Variants in DPP6 observed in about 807,000 individuals in gnomAD.
DPP6 encodes the protein A-type potassium channel modulatory protein DPP6.
In DPP6, 69 loss-of-function variants were observed where a neutral mutation model predicts 122.6. The ratio of observed to expected loss-of-function variants is 0.56; its 90% CI spans 0.46 to 0.69. The LOEUF is 0.69. Ranked by LOEUF, DPP6 falls within the 30% of genes least tolerant of loss-of-function variation. The pLI, the probability that DPP6 is intolerant of heterozygous loss-of-function variation, is 0.00. For missense variants in DPP6, 928 were observed against 1,116.9 expected (o/e 0.83, Z 2.41); for synonymous variants, 418 against 433.1 (o/e 0.97, Z 0.43).
rs1586945967 is a variant in DPP6 at position 154,716,693 on chromosome 7, A to G, written c.763-11074A>G. On this transcript the variant is annotated intron_variant, in intron 7 of 25. Transcript: ENST00000377770. ...CATAGAATTTACTCAAAAAGAGAGC[A>G]TTTTTTTTTTCTCCTGAATGGTTTT... Among the ~76,000 whole-genome samples, 3 of 149,080 alleles carry G rather than the reference A, an allele frequency of 2.0e-5. No individual in the cohort carries two copies. In the South Asian group the frequency reaches 6.4e-4, roughly 32 times the overall value.
chr7:153,950,782 T>C (rs1381515500), intron 1 of DPP6, among the ~76,000 whole-genome samples: 1 of 152,168 alleles, frequency 6.6e-6, no homozygotes, highest in Non-Finnish European at 1.5e-5. Context: ...GATGCAGACA[T>C]GGACATGTAC....
chr7:154,076,159 T>A (rs184719561), intron 1 of DPP6, among the ~76,000 whole-genome samples: 4,578 of 151,486 alleles, frequency 0.03, 187 homozygotes, highest in African/African-American at 0.096. Flanking sequence ...TATTTTTTTT[T>A]AAAAAAAAGG....
the DPP6 span, among the ~76,000 whole-genome samples, chr7:153,860,531 T>G: frequency 6.6e-6 from 1 of 152,156 alleles, no homozygotes; most frequent in East Asian, 1.9e-4. Context: ...CTTCCCGGGT[T>G]GCAGGGCCTG....
intron 1 of DPP6, among the ~76,000 whole-genome samples, chr7:154,442,620 G>A (rs377242711): frequency 6.6e-6 from 1 of 152,160 alleles, no homozygotes; most frequent in African/African-American, 2.4e-5. Flanking sequence ...ATTTGGCCTA[G>A]AGGTAGAAAG....
intron 1 of DPP6, among the ~76,000 whole-genome samples, chr7:154,375,384 C>A (rs1027190375): frequency 2.6e-5 from 4 of 152,108 alleles, no homozygotes; most frequent in African/African-American, 9.7e-5. Flanking sequence ...GGAAAGGCAC[C>A]ATGGCTGCAG....
At chr7:154,471,702 A>G (rs1822291111) in intron 2 of DPP6, among the ~76,000 whole-genome samples, 1 of 152,172 alleles carries the variant, frequency 6.6e-6, no homozygotes, top group Non-Finnish European at 1.5e-5. Context: ...TCTTCAGAAA[A>G]CATCCCCCCA....
intron 8 of DPP6, among the ~76,000 whole-genome samples, chr7:154,764,004 C>T (rs1795742243): frequency 6.6e-6 from 1 of 152,220 alleles, no homozygotes; most frequent in South Asian, 2.1e-4. Flanking sequence ...GATGCCCCAC[C>T]TCCATCTGCA....
intron 1 of DPP6, among the ~76,000 whole-genome samples, chr7:153,958,254 G>A (rs1795159565): frequency 6.6e-6 from 1 of 152,298 alleles, no homozygotes; most frequent in East Asian, 1.9e-4. Flanking sequence ...TAAGAGGTTA[G>A]TGAGGCAGGC....
intron 14 of DPP6, 53 bp from the exon 15 acceptor site, chr7:154,804,864 T>A (rs1163728997): frequency 9.6e-6 from 15 of 1,568,214 alleles, no homozygotes; most frequent in Non-Finnish European, 1.3e-5. Context: ...GAATGTGAAG[T>A]GCAGACGTGC....
At chr7:154,695,400 C>A (rs1840162261) in intron 7 of DPP6, among the ~76,000 whole-genome samples, 1 of 152,092 alleles carries the variant, frequency 6.6e-6, no homozygotes, top group Admixed American at 6.6e-5. Flanking sequence ...TTACTGTTGC[C>A]TGAAGGAGAT....
chr7:153,901,857 A>G (rs1440243925), intron 1 of DPP6, among the ~76,000 whole-genome samples: 1 of 152,208 alleles, frequency 6.6e-6, no homozygotes, highest in Non-Finnish European at 1.5e-5. Flanking sequence ...TTCAACATGC[A>G]TTTCTTTCCT....
the DPP6 span, among the ~76,000 whole-genome samples, chr7:153,786,189 C>G: frequency 3.3e-5 from 5 of 151,812 alleles, no homozygotes; most frequent in Admixed American, 6.6e-5. Flanking sequence ...TCATTTACAT[C>G]ATTTTTATTT....
At chr7:154,479,526 C>T (rs1823048238) in intron 3 of DPP6, among the ~76,000 whole-genome samples, 1 of 139,598 alleles carries the variant, frequency 7.2e-6, no homozygotes, top group Admixed American at 8.2e-5. Context: ...CCACAGCACT[C>T]CAGCCTGGGT....
At chr7:154,862,328 G>C (rs3807278) in intron 17 of DPP6, among the ~76,000 whole-genome samples, 1 of 152,224 alleles carries the variant, frequency 6.6e-6, no homozygotes, top group Non-Finnish European at 1.5e-5. Context: ...TGGATGCAGA[G>C]AGCCTGGGAA....
At chr7:154,346,855 C>G (rs1004004453) in intron 1 of DPP6, among the ~76,000 whole-genome samples, 16 of 152,282 alleles carry the variant, frequency 1.1e-4, no homozygotes, top group African/African-American at 3.9e-4. Context: ...AATATTGACT[C>G]TGGAGTTTCA....
At chr7:154,770,560 G>C (rs576025264) in intron 9 of DPP6, among the ~76,000 whole-genome samples, 1 of 152,164 alleles carries the variant, frequency 6.6e-6, no homozygotes. Flanking sequence ...TTGGGCCCTC[G>C]CCAGATACTG....
chr7:154,072,629 C>T (rs1459939724), intron 1 of DPP6, among the ~76,000 whole-genome samples: 1 of 152,300 alleles, frequency 6.6e-6, no homozygotes, highest in Non-Finnish European at 1.5e-5. Flanking sequence ...TATTACGGGA[C>T]GTCAATAGGC....
chr7:154,655,870 T>C (rs1283724884), intron 6 of DPP6, among the ~76,000 whole-genome samples: 1 of 152,276 alleles, frequency 6.6e-6, no homozygotes, highest in South Asian at 2.1e-4. Flanking sequence ...TGACTAAATC[T>C]TCACGCAGAC....
At chr7:154,076,612 A>G (rs1446437012) in intron 1 of DPP6, among the ~76,000 whole-genome samples, 43 of 150,350 alleles carry the variant, frequency 2.9e-4, no homozygotes, top group Admixed American at 1.3e-4. Context: ...AAATGGGGAC[A>G]CACTCCATTT....
Sources: gnomAD v4.1 joint callset for allele counts (sites outside exome capture counted in the v4.1 genomes callset) on GRCh38, gnomAD v4.1.1 for gene constraint, MANE v1.5 for transcripts, NCBI Gene and HGNC (gene_info 2026-07-23, HGNC 2026-07-21) for gene names.